The following CDH4 variants were observed in gnomAD, a reference collection of about 807,000 sequenced individuals.
CDH4 encodes the protein cadherin 4.
Under a neutral mutation model 86.0 loss-of-function variants are expected in CDH4, and 33 were observed. The ratio of observed to expected loss-of-function variants is 0.38; its 90% CI spans 0.29 to 0.51. CDH4 has a LOEUF of 0.51. CDH4 is among the 20% of genes least tolerant of loss of function. The pLI is 0.86. For missense variants in CDH4, 1,114 were observed against 1,307.4 expected (o/e 0.85, Z 2.28); for synonymous variants, 555 against 549.4 (o/e 1.01, Z -0.14).
chr20:61,461,988 A>G (rs2085446032), intron 2 of CDH4, among the ~76,000 whole-genome samples: 1 of 152,212 alleles, frequency 6.6e-6, no homozygotes, highest in Non-Finnish European at 1.5e-5. Context: ...GTCCTCCCAG[A>G]TCAGGTTCCA....
chr20:61,362,369 A>C (rs950881980), intron 2 of CDH4, among the ~76,000 whole-genome samples: 1 of 113,616 alleles, frequency 8.8e-6, no homozygotes, highest in South Asian at 3.0e-4. Flanking sequence ...CTAGGACAGC[A>C]TAGGGCAGGG....
intron 10 of CDH4, 131 bp downstream of exon 10, chr20:61,923,835 A>C: frequency 8.7e-7 from 1 of 1,152,838 alleles, no homozygotes; most frequent in South Asian, 1.5e-5. Flanking sequence ...TCTCCAACCT[A>C]AGGCGTCCTT....
chr20:61,628,608 A>G (rs1180779943), intron 2 of CDH4, among the ~76,000 whole-genome samples: 1 of 152,252 alleles, frequency 6.6e-6, no homozygotes, highest in Non-Finnish European at 1.5e-5. Context: ...CAGGGCCTCC[A>G]GCCCCACAGG....
intron 2 of CDH4, among the ~76,000 whole-genome samples, chr20:61,551,862 C>T (rs1420011860): frequency 6.6e-6 from 1 of 152,148 alleles, no homozygotes; most frequent in Non-Finnish European, 1.5e-5. Context: ...GACAAAGGTG[C>T]CAAAACCATT....
At chr20:61,704,729 T>C (rs991340252) in intron 2 of CDH4, among the ~76,000 whole-genome samples, 1 of 152,214 alleles carries the variant, frequency 6.6e-6, no homozygotes, top group African/African-American at 2.4e-5. Flanking sequence ...AGCCGGGATG[T>C]CTGAGTCTTG....
At chr20:61,894,719 G>A (rs1380121735) in intron 7 of CDH4, among the ~76,000 whole-genome samples, 191 bp from the exon 8 acceptor site, 1 of 152,192 alleles carries the variant, frequency 6.6e-6, no homozygotes, top group Non-Finnish European at 1.5e-5. Context: ...AAGGGGAGGA[G>A]AAACTTACTC....
At chr20:61,462,073 T>C (rs369725461) in intron 2 of CDH4, among the ~76,000 whole-genome samples, 85 of 152,324 alleles carry the variant, frequency 5.6e-4, no homozygotes, top group African/African-American at 1.9e-3. Context: ...CAAGGGTGGA[T>C]GGTAGCTGGA....
chr20:61,304,481 T>TTG (rs1414721752), intron 2 of CDH4, among the ~76,000 whole-genome samples: 2 of 151,996 alleles, frequency 1.3e-5, no homozygotes, highest in African/African-American at 2.4e-5. Flanking sequence ...TTTGGTCGTG[T>TTG]TGTGTGTGTG....
At chr20:61,844,305 G>T (rs1226313210) in intron 4 of CDH4, among the ~76,000 whole-genome samples, 1 of 152,150 alleles carries the variant, frequency 6.6e-6, no homozygotes, top group Admixed American at 6.5e-5. Flanking sequence ...TCACTGTGGA[G>T]GTTGCTCTGT....
chr20:61,389,590 G>T (rs1321640552), intron 2 of CDH4, among the ~76,000 whole-genome samples: 2 of 152,216 alleles, frequency 1.3e-5, no homozygotes, highest in Non-Finnish European at 2.9e-5. Context: ...AAGACTGGGA[G>T]AACGCCTCCC....
chr20:61,374,439 G>T (rs1443653994), intron 2 of CDH4, among the ~76,000 whole-genome samples: 1 of 152,172 alleles, frequency 6.6e-6, no homozygotes, highest in African/African-American at 2.4e-5. Context: ...GGGCAACTCT[G>T]CTTGCAGACT....
chr20:61,382,824 A>G (rs888557920), intron 2 of CDH4, among the ~76,000 whole-genome samples: 24 of 152,050 alleles, frequency 1.6e-4, no homozygotes, highest in African/African-American at 5.6e-4. Context: ...AGCCCACCCT[A>G]AGTCCAGAAT....
intron 2 of CDH4, among the ~76,000 whole-genome samples, chr20:61,573,265 C>T (rs2086358116): frequency 6.6e-6 from 1 of 152,238 alleles, no homozygotes; most frequent in Non-Finnish European, 1.5e-5. Context: ...GAACACCAGC[C>T]TCTTCACGTC....
At chr20:61,692,646 C>A (rs2087672343) in intron 2 of CDH4, among the ~76,000 whole-genome samples, 1 of 152,194 alleles carries the variant, frequency 6.6e-6, no homozygotes, top group Non-Finnish European at 1.5e-5. Flanking sequence ...AATCCCCAGG[C>A]ACGGAAGTGT....
At chr20:61,445,099 TC>T (rs1393909716) in intron 2 of CDH4, among the ~76,000 whole-genome samples, 18 of 152,166 alleles carry the variant, frequency 1.2e-4, no homozygotes, top group Admixed American at 1.2e-3. Flanking sequence ...TACGGGGAAT[TC>T]TTGTCCCTAG....
At chr20:61,727,999 T>TA (rs1472204090) in intron 2 of CDH4, among the ~76,000 whole-genome samples, 1 of 152,206 alleles carries the variant, frequency 6.6e-6, no homozygotes, top group East Asian at 1.9e-4. Flanking sequence ...CCCAGCAGTG[T>TA]AGGAAGCACC....
chr20:61,509,003 G>A (rs948055153), intron 2 of CDH4, among the ~76,000 whole-genome samples: 13 of 151,834 alleles, frequency 8.6e-5, no homozygotes, highest in African/African-American at 3.2e-4. Flanking sequence ...GTACATGCTC[G>A]CAGCATGGAC....
intron 2 of CDH4, among the ~76,000 whole-genome samples, chr20:61,602,406 G>A (rs1304055259): frequency 2.0e-5 from 3 of 152,086 alleles, no homozygotes; most frequent in South Asian, 2.1e-4. Context: ...CTTAACTTCC[G>A]GGACTCCACT....
At chr20:61,364,930 G>T (rs2084803221) in intron 2 of CDH4, among the ~76,000 whole-genome samples, 1 of 152,172 alleles carries the variant, frequency 6.6e-6, no homozygotes, top group Non-Finnish European at 1.5e-5. Flanking sequence ...CAGGAACTCG[G>T]GTGGGGAGCA....
Sources: gnomAD v4.1 joint callset for allele counts (sites outside exome capture counted in the v4.1 genomes callset) on GRCh38, gnomAD v4.1.1 for gene constraint, MANE v1.5 for transcripts, NCBI Gene and HGNC (gene_info 2026-07-23, HGNC 2026-07-21) for gene names.